The following PRKCA variants were observed in gnomAD, a reference collection of about 807,000 sequenced individuals.
PRKCA encodes protein kinase C alpha type.
In PRKCA, 27 loss-of-function variants were observed where a neutral mutation model predicts 87.0. That is an observed-to-expected ratio of 0.31 (90% CI 0.23 to 0.43). PRKCA has a LOEUF of 0.43. Among genes scored for constraint, PRKCA ranks in the 20% least tolerant of loss-of-function variants. The pLI is 1.00. For synonymous variants in PRKCA, 329 were observed against 311.1 expected (o/e 1.06, Z -0.61); for missense variants, 518 against 852.3 (o/e 0.61, Z 4.88).
In PRKCA at chr17:66,803,057, A is replaced by G. The variant is rs1598019621; in HGVS notation, c.1855-816A>G. On this transcript the variant is annotated intron_variant, in intron 16 of 16. Transcript: ENST00000413366. The surrounding 1 kb of genome is among the most constrained non-coding windows in gnomAD (Gnocchi z 4.4). ...CCTTCCCCACTTTTGGGGTCAGGCT[A>G]CCAAGCCGTGCTGCCTAAGCGGCTG... Among the ~76,000 whole-genome samples, 1 of 152,154 alleles carries G rather than the reference A, an allele frequency of 6.6e-6. No homozygotes were observed. Among genetic ancestry groups the G allele is most frequent in the Non-Finnish European group, 1.5e-5 (1 of 68,010 alleles).
At chr17:66,314,999 GTATATATGTGTGTA>G (rs1905245430) in intron 2 of PRKCA, among the ~76,000 whole-genome samples, 1 of 151,744 alleles carries the variant, frequency 6.6e-6, no homozygotes, top group African/African-American at 2.4e-5. Context: ...ATATATATGT[GTATATATGTGTGTA>G]TATATATGTG....
chr17:66,507,611 G>T (rs545670060), intron 3 of PRKCA, among the ~76,000 whole-genome samples: 15 of 152,166 alleles, frequency 9.9e-5, no homozygotes, highest in African/African-American at 3.6e-4. Flanking sequence ...TGATGGGACC[G>T]GGTGGGAGCT....
At chr17:66,617,042 C>A (rs1045794181) in intron 3 of PRKCA, among the ~76,000 whole-genome samples, 3 of 152,200 alleles carry the variant, frequency 2.0e-5, no homozygotes, top group African/African-American at 7.2e-5. Context: ...TAACACAGAA[C>A]ATTTATAAAA....
intron 3 of PRKCA, among the ~76,000 whole-genome samples, chr17:66,521,958 A>C (rs1383545282): frequency 6.6e-6 from 1 of 152,248 alleles, no homozygotes; most frequent in African/African-American, 2.4e-5. Flanking sequence ...GAAGGAAAGA[A>C]TTGAGGAATG....
At chr17:66,348,600 G>A (rs906560843) in intron 2 of PRKCA, among the ~76,000 whole-genome samples, 9 of 152,156 alleles carry the variant, frequency 5.9e-5, no homozygotes, top group African/African-American at 2.2e-4. Flanking sequence ...TGTGCCAATT[G>A]CCCAAAACAG....
chr17:66,326,507 C>T (rs923805978), intron 2 of PRKCA, among the ~76,000 whole-genome samples: 2 of 152,146 alleles, frequency 1.3e-5, no homozygotes, highest in Non-Finnish European at 2.9e-5. Context: ...AATGGGTTTA[C>T]GTATAATCAA....
At chr17:66,314,405 T>G (rs1011095094) in intron 2 of PRKCA, among the ~76,000 whole-genome samples, 7 of 152,154 alleles carry the variant, frequency 4.6e-5, no homozygotes, top group African/African-American at 1.7e-4. Flanking sequence ...AAACTCTTTA[T>G]TAAATTATAC....
rs762350122 is a variant in PRKCA, at chr17:66,645,408, A to G, written c.426A>G (p.Gln142=). The G allele has an allele frequency of 2.8e-5, 45 of 1,614,050 alleles. No homozygotes were observed. Among genetic ancestry groups the G allele is most frequent in the Non-Finnish European group, 3.8e-5 (45 of 1,180,046 alleles). Residue 142 remains glutamine, a synonymous_variant, in exon 5 of 17, where the codon CAA becomes CAG. Coordinates refer to ENST00000413366, the MANE Select transcript of PRKCA (RefSeq NM_002737.3). ...CCTGCGATATGAACGTTCACAAGCAATGCGTCATCAATGTCCCCAGCCTCT... is the reference window on the plus strand; with the variant it reads ...CCTGCGATATGAACGTTCACAAGCAGTGCGTCATCAATGTCCCCAGCCTCT... ...CDTCDMNVHK[Q]CVINVPSLCG... is the part of the protein sequence containing the mutation.
chr17:66,646,804 C>T (rs1971469848), intron 5 of PRKCA, among the ~76,000 whole-genome samples: 1 of 152,180 alleles, frequency 6.6e-6, no homozygotes, highest in Admixed American at 6.5e-5. Context: ...TCCAAGGTAT[C>T]ACTGGGAGAG....
chr17:66,367,652 A>C (rs188956061), intron 2 of PRKCA, among the ~76,000 whole-genome samples: 1 of 152,168 alleles, frequency 6.6e-6, no homozygotes, highest in African/African-American at 2.4e-5. Flanking sequence ...TTAAATGTCT[A>C]CTTAGGTTAA....
At chr17:66,777,745 G>C (rs976356099) in intron 14 of PRKCA, 13 of 985,256 alleles carry the variant, frequency 1.3e-5, no homozygotes, top group Non-Finnish European at 1.6e-5. Flanking sequence ...ATGCTAACAT[G>C]CAAAAGGGGC....
At chr17:66,563,681 T>C (rs1022369644) in intron 3 of PRKCA, among the ~76,000 whole-genome samples, 2 of 152,204 alleles carry the variant, frequency 1.3e-5, no homozygotes, top group African/African-American at 2.4e-5. Flanking sequence ...CTTTTTCTCC[T>C]GTTGACTTAG....
At chr17:66,323,048 C>T (rs1406167618) in intron 2 of PRKCA, among the ~76,000 whole-genome samples, 1 of 152,132 alleles carries the variant, frequency 6.6e-6, no homozygotes, top group Non-Finnish European at 1.5e-5. Context: ...TAAAACTTAT[C>T]CTTAGGCACT....
At chr17:66,443,452 T>G (rs567585258) in intron 2 of PRKCA, among the ~76,000 whole-genome samples, 9 of 152,238 alleles carry the variant, frequency 5.9e-5, no homozygotes, top group Non-Finnish European at 1.2e-4. Context: ...GAAGCCCGTT[T>G]GCTCTGGCTG....
Position 66,310,312 on chromosome 17 carries a change from G to C in PRKCA, c.205+4185G>C, listed in dbSNP as rs185763016. ...TGAAGATACTCAAGAGACAGCGTGA[G>C]AATTAAGCTCTGTCAGTAACCATGA... On this transcript the variant is annotated intron_variant, in intron 2 of 16. Transcript: ENST00000413366. 2.0e-5 allele frequency among the ~76,000 whole-genome samples: 3 copies of C among 151,956 alleles called. No homozygotes were observed. The East Asian group carries it at 5.8e-4, about 29-fold the overall frequency.
At chr17:66,787,624 A>G (rs1975433934) in intron 15 of PRKCA, among the ~76,000 whole-genome samples, 1 of 152,204 alleles carries the variant, frequency 6.6e-6, no homozygotes, top group Admixed American at 6.5e-5. Flanking sequence ...TCTTCACAAA[A>G]TGAATCCACC....
chr17:66,682,209 C>CT (rs779695438), intron 5 of PRKCA, among the ~76,000 whole-genome samples: 2 of 152,196 alleles, frequency 1.3e-5, no homozygotes, highest in African/African-American at 2.4e-5. Context: ...TTTGAATGGG[C>CT]TTTATCCAGA....
chr17:66,531,605 G>A (rs1967544073), intron 3 of PRKCA, among the ~76,000 whole-genome samples: 1 of 152,080 alleles, frequency 6.6e-6, no homozygotes, highest in Admixed American at 6.5e-5. Flanking sequence ...TTTACAGAGT[G>A]CCCTGTTTCA....
intron 3 of PRKCA, among the ~76,000 whole-genome samples, chr17:66,504,572 A>G (rs1222104504): frequency 6.6e-6 from 1 of 152,034 alleles, no homozygotes; most frequent in East Asian, 1.9e-4. Context: ...AGCCTGGGCA[A>G]CAAGAGTGAA....
Sources: allele counts gnomAD v4.1 joint callset (sites outside exome capture counted in the v4.1 genomes callset), GRCh38; gene constraint gnomAD v4.1.1; non-coding constraint Gnocchi (gnomAD v3.1); transcripts MANE v1.5; gene names NCBI Gene and HGNC (gene_info 2026-07-23, HGNC 2026-07-21).